The following MYH15 variants were observed in gnomAD, a reference collection of about 807,000 sequenced individuals.
The protein encoded by MYH15 is myosin heavy chain 15, also known as myosin-15.
In MYH15, 227 loss-of-function variants were observed where a neutral mutation model predicts 240.5. The ratio of observed to expected loss-of-function variants is 0.94; its 90% CI spans 0.85 to 1.05. MYH15 has a LOEUF of 1.05. Among genes scored for constraint, MYH15 ranks in the 50% least tolerant of loss-of-function variants. MYH15 has a pLI of 0.00. For missense variants in MYH15, 2,217 were observed against 2,247.5 expected, an observed-to-expected ratio of 0.99 and a Z score of 0.27; for synonymous variants, 785 against 796.7, an observed-to-expected ratio of 0.99 and a Z score of 0.25.
chr3:108,405,326 C>A lies in MYH15; in HGVS notation c.4736+12G>T. Reference sequence around the variant, plus strand: ...ATACATAATTGTTACACATCAAAATCATCTTAAATACCTAAAATTTTCTAT... The same window carrying A: ...ATACATAATTGTTACACATCAAAATAATCTTAAATACCTAAAATTTTCTAT... On this transcript the variant is annotated intron_variant, in intron 33 of 40. Coordinates refer to ENST00000693548, the MANE Select transcript of MYH15 (RefSeq NM_014981.3). 7.0e-7 allele frequency: 1 copy of A among 1,428,052 alleles called. No homozygotes were observed. Among genetic ancestry groups the A allele is most frequent in the South Asian group, 1.5e-5 (1 of 67,050 alleles). The allele number at this position is 1,428,052 out of a possible 1,614,324, so 88.5% of individuals were successfully genotyped here. A position where few individuals can be genotyped will look rare whatever the true frequency, so the allele number is the denominator to read the frequency against.
At chr3:108,519,175 T>TA in intron 1 of MYH15, among the ~76,000 whole-genome samples, 1 of 152,306 alleles carries the variant, frequency 6.6e-6, no homozygotes, top group Non-Finnish European at 1.5e-5. Flanking sequence ...GTCCTTGGTT[T>TA]AAAAAGCATC....
Position 108,426,732 on chromosome 3 carries a change from C to T in MYH15, c.3702+1760G>A, listed in dbSNP as rs9823116. 4.5e-3 allele frequency among the ~76,000 whole-genome samples: 688 copies of T among 152,234 alleles called. 2 individuals carry two copies. The highest frequency in any genetic ancestry group is 0.016 in the African/African-American group (664 of 41,530). The stretch of plus-strand genomic sequence containing the variant: ...GAGGGCAGAGCTGCCCCCAACACCC[C>T]AGACTTGTAGAGCCACCAGCATGCA... On this transcript the variant is annotated intron_variant, in intron 27 of 40. Transcript: ENST00000693548.
intron 33 of MYH15, 90 bp downstream of exon 33, chr3:108,405,248 G>C (rs1241576092): frequency 5.2e-6 from 3 of 581,024 alleles, no homozygotes; most frequent in Non-Finnish European, 8.4e-6. Context: ...GCTCCAACAG[G>C]GGCCATAAAA....
At chr3:108,463,351 G>A (rs1378244060) in intron 15 of MYH15, 108 bp from the exon 16 acceptor site, 6 of 1,216,532 alleles carry the variant, frequency 4.9e-6, no homozygotes, top group Non-Finnish European at 5.7e-6. Context: ...GTCTCATTCT[G>A]TTATCCAGGC....
At chr3:108,429,975 T>A (rs75380302) in intron 26 of MYH15, among the ~76,000 whole-genome samples, 8,739 of 152,220 alleles carry the variant, frequency 0.057, 824 homozygotes, top group African/African-American at 0.2. Flanking sequence ...TTTTGAGTCA[T>A]CAAGGTAAGG....
At chr3:108,417,308 A>G (rs2082642145) in intron 28 of MYH15, among the ~76,000 whole-genome samples, 1 of 152,224 alleles carries the variant, frequency 6.6e-6, no homozygotes, top group African/African-American at 2.4e-5. Context: ...CAACTTAAAT[A>G]TGACTGAAAC....
At chr3:108,421,035 T>A in intron 28 of MYH15, 53 bp downstream of exon 28, 1 of 1,609,128 alleles carries the variant, frequency 6.2e-7, no homozygotes, top group Non-Finnish European at 8.5e-7. Flanking sequence ...TGTGCCTTCA[T>A]GAGTCTGCTG....
chr3:108,523,438 T>A (rs2083638741), intron 1 of MYH15, among the ~76,000 whole-genome samples: 1 of 151,934 alleles, frequency 6.6e-6, no homozygotes. Flanking sequence ...ATTTGTCGAA[T>A]AAAAATAAAA....
chr3:108,471,037 G>GAA (rs34404182), intron 12 of MYH15, among the ~76,000 whole-genome samples, 190 bp from the exon 13 acceptor site: 28,774 of 138,270 alleles, frequency 0.21, 5,000 homozygotes, highest in East Asian at 0.98. Flanking sequence ...AAGAAAGAAA[G>GAA]AAAGAAAAGG....
At chr3:108,442,933 C>T (rs912354408) in intron 22 of MYH15, among the ~76,000 whole-genome samples, 4 of 151,930 alleles carry the variant, frequency 2.6e-5, no homozygotes, top group African/African-American at 9.7e-5. Context: ...CTAGAGTTTG[C>T]TTCCATGTGT....
intron 14 of MYH15, among the ~76,000 whole-genome samples, chr3:108,465,302 G>A (rs546070870): frequency 2.0e-5 from 3 of 152,248 alleles, no homozygotes; most frequent in East Asian, 1.9e-4. Context: ...GAATGCAAAG[G>A]CCCCGAGGCC....
At chr3:108,386,401 A>G (rs1216847496) in intron 38 of MYH15, among the ~76,000 whole-genome samples, 1 of 152,152 alleles carries the variant, frequency 6.6e-6, no homozygotes, top group African/African-American at 2.4e-5. Flanking sequence ...AGCTGTGAGA[A>G]GTGCAGTTAC....
chr3:108,505,789 A>G lies in MYH15; in HGVS notation c.129T>C (p.Tyr43=), dbSNP rs769077902. 6 of 1,613,190 alleles carry G rather than the reference A, an allele frequency of 3.7e-6. No individual in the cohort carries two copies. The African/African-American group carries it at 5.3e-5, about 14-fold the overall frequency. ...CACTCCCTTTTACCTCAGCCTCGATATAAGCATTCTCACCATCAGGAATCC... is the reference window on the plus strand; with the variant it reads ...CACTCCCTTTTACCTCAGCCTCGATGTAAGCATTCTCACCATCAGGAATCC... The part of the protein sequence containing the change: ...KCWIPDGENA[Y]IEAEVKGSED... Residue 43 remains tyrosine (Y), a synonymous_variant, in exon 2 of 41, where the codon TAT becomes TAC. Coordinates refer to ENST00000693548, the MANE Select transcript of MYH15 (RefSeq NM_014981.3).
chr3:108,456,634 C>A, intron 19 of MYH15, 132 bp downstream of exon 19: 2 of 645,832 alleles, frequency 3.1e-6, no homozygotes, highest in Admixed American at 2.4e-5. Flanking sequence ...TATATCTTCC[C>A]ACCACCAAAA....
intron 22 of MYH15, 23 bp downstream of exon 22, chr3:108,444,617 G>T: frequency 6.2e-7 from 1 of 1,609,638 alleles, no homozygotes; most frequent in Non-Finnish European, 8.5e-7. Flanking sequence ...TTGATTTAAA[G>T]AACAAATGGT....
At chr3:108,529,355 G>T, upstream of MYH15, 1 of 1,083,294 alleles carries the variant, frequency 9.2e-7, no homozygotes, top group Non-Finnish European at 1.4e-6. Flanking sequence ...GAGAATGATA[G>T]CCAGGAAGGC....
chr3:108,457,776 G>A (rs2083035819), intron 18 of MYH15, among the ~76,000 whole-genome samples: 1 of 152,236 alleles, frequency 6.6e-6, no homozygotes, highest in Non-Finnish European at 1.5e-5. Context: ...GCTCATGCCT[G>A]TAATCACGGC....
chr3:108,536,321 G>C, the MYH15 span, among the ~76,000 whole-genome samples: 1 of 152,094 alleles, frequency 6.6e-6, no homozygotes, highest in Non-Finnish European at 1.5e-5. Context: ...GAAAGGAGGA[G>C]GAAAAGGGGG....
intron 17 of MYH15, among the ~76,000 whole-genome samples, 161 bp downstream of exon 17, chr3:108,460,139 G>A (rs2107580608): frequency 6.6e-6 from 1 of 152,252 alleles, no homozygotes; most frequent in East Asian, 1.9e-4. Flanking sequence ...AACAAACAGT[G>A]TCCTCTAAAG....
Sources: gnomAD v4.1 joint callset for allele counts (sites outside exome capture counted in the v4.1 genomes callset) on GRCh38, gnomAD v4.1.1 for gene constraint, MANE v1.5 for transcripts, NCBI Gene and HGNC (gene_info 2026-07-23, HGNC 2026-07-21) for gene names.